MED13: variants seen among roughly 807,000 people sequenced by gnomAD.
MED13 encodes mediator of RNA polymerase II transcription subunit 13.
In MED13, 23 loss-of-function variants were observed where a neutral mutation model predicts 225.2. The ratio of observed to expected loss-of-function variants is 0.10; its 90% CI spans 0.07 to 0.14. The LOEUF is 0.14. Among genes scored for constraint, MED13 ranks in the 10% least tolerant of loss-of-function variants. The pLI, the probability that MED13 is intolerant of heterozygous loss-of-function variation, is 1.00. For synonymous variants in MED13, 942 were observed against 889.2 expected (o/e 1.06, Z -1.06); for missense variants, 2,197 against 2,594.5 (o/e 0.85, Z 3.33).
At chr17:62,039,033 T>C (rs1159687991) in intron 3 of MED13, among the ~76,000 whole-genome samples, 3 of 152,176 alleles carry the variant, frequency 2.0e-5, no homozygotes, top group African/African-American at 4.8e-5. Context: ...AAGGGATAAA[T>C]TGGTCTCCAA....
At chr17:62,021,103 C>T (rs1202928730) in intron 8 of MED13, among the ~76,000 whole-genome samples, 8 of 151,062 alleles carry the variant, frequency 5.3e-5, no homozygotes, top group South Asian at 2.1e-4. Flanking sequence ...TACACAGACA[C>T]GGCAACCATC....
At chr17:62,055,092 G>A (rs1054179040) in intron 2 of MED13, among the ~76,000 whole-genome samples, 17 of 152,078 alleles carry the variant, frequency 1.1e-4, no homozygotes, top group Non-Finnish European at 2.1e-4. Context: ...GGTGGCTCAC[G>A]CCTGCTATCC....
chr17:61,955,142 T>G (rs1290893610), intron 26 of MED13, among the ~76,000 whole-genome samples: 1 of 151,962 alleles, frequency 6.6e-6, no homozygotes, highest in East Asian at 1.9e-4. Context: ...CCACATGGCT[T>G]TCTTCTCTTC....
intron 12 of MED13, among the ~76,000 whole-genome samples, chr17:61,986,388 T>C (rs1438522035): frequency 6.6e-6 from 1 of 152,182 alleles, no homozygotes; most frequent in Non-Finnish European, 1.5e-5. Context: ...GGAATTCCCT[T>C]TTATGATAAT....
chr17:61,991,682 A>AT (rs1002849020), intron 11 of MED13, among the ~76,000 whole-genome samples: 13 of 150,906 alleles, frequency 8.6e-5, no homozygotes, highest in Admixed American at 4.0e-4. Context: ...TAATTTTTCT[A>AT]TTTTTTTAGT....
At chr17:61,947,794 C>A (rs940071126) in intron 28 of MED13, among the ~76,000 whole-genome samples, 2 of 152,154 alleles carry the variant, frequency 1.3e-5, no homozygotes, top group African/African-American at 4.8e-5. Flanking sequence ...CTACTCCACA[C>A]TCCAATTAAA....
At chr17:61,983,474 G>C (rs550058726) in intron 15 of MED13, among the ~76,000 whole-genome samples, 9 of 152,244 alleles carry the variant, frequency 5.9e-5, no homozygotes, top group African/African-American at 2.2e-4. Flanking sequence ...TGATTTTAGA[G>C]ATGCTCATGT....
chr17:62,027,536 C>T lies in MED13; in HGVS notation c.1283+2005G>A, dbSNP rs149543886. The stretch of plus-strand genomic sequence containing the variant: ...ACAGAAATGGGCAAAAATTTCATGA[C>T]GAAGATGTCAAAAGCAATCACAACA... On this transcript the variant is annotated intron_variant, in intron 8 of 29. Transcript: ENST00000397786. 3.9e-3 allele frequency among the ~76,000 whole-genome samples: 592 copies of T among 152,128 alleles called. 3 individuals carry two copies. The highest frequency in any genetic ancestry group is 0.012 in the African/African-American group (515 of 41,480).
rs1325592550 is a variant in MED13 at position 61,946,431 on chromosome 17, C to T, written c.*37G>A. The T allele has an allele frequency of 6.3e-7, 1 of 1,597,408 alleles. No homozygotes were observed. ...ATCCTGCAGCGAAACATCCATTTTT[C>T]CTTGTTCTTTTCTTGCACAGTTCCA... On this transcript the variant is annotated 3_prime_UTR_variant, in exon 30 of 30. Coordinates refer to ENST00000397786, the MANE Select transcript of MED13 (RefSeq NM_005121.3).
At position 61,967,166 on chromosome 17, in the gene MED13, T is replaced by C. The variant is rs796220332; in HGVS notation, c.4192-515A>G. On this transcript the variant is annotated intron_variant, in intron 18 of 29. Coordinates refer to ENST00000397786, the MANE Select transcript of MED13 (RefSeq NM_005121.3). ...CCCAATGTTAAATAAATTTAAAACA[T>C]TGGATTAAGCAAACTTAGAAGAGTT... Among the ~76,000 whole-genome samples the C allele has an allele frequency of 5.9e-5, 9 of 152,178 alleles. No individual in the cohort carries two copies. In the South Asian group the frequency reaches 1.0e-3, roughly 17 times the overall value.
In MED13 at chr17:62,010,216, C is replaced by CAA. The variant is rs759874676; in HGVS notation, c.1967+332_1967+333dup. Among the ~76,000 whole-genome samples, 440 of 89,692 alleles carry CAA rather than the reference C, an allele frequency of 4.9e-3. 2 individuals are homozygous for CAA. Among genetic ancestry groups the CAA allele is most frequent in the Middle Eastern group, 0.023 (3 of 132 alleles). 58.8% of individuals were successfully genotyped at this position (89,692 alleles called of 152,430 possible). ...AGCCTGGGTGACAGAGACTCTGTCT[C>CAA]AAAAAAAAAAAAAAGGTACCAAATT... is the stretch of plus-strand genomic sequence containing the variant. On this transcript the variant is annotated intron_variant, in intron 9 of 29. Transcript: ENST00000397786.
intron 8 of MED13, among the ~76,000 whole-genome samples, chr17:62,024,875 T>C (rs1404444803): frequency 2.0e-5 from 3 of 152,240 alleles, no homozygotes; most frequent in Non-Finnish European, 4.4e-5. Flanking sequence ...TCATTTTTTT[T>C]TATGGCTGCA....
At position 61,965,238 on chromosome 17, in the gene MED13, T is replaced by C. The variant is rs1206996178; in HGVS notation, c.4612A>G (p.Thr1538Ala). The change falls in exon 20 of 30, where the codon ACT (threonine) becomes GCT (alanine). Residue 1538 changes from threonine (T) to alanine (A), a missense_variant. Thr to Ala is a moderately conservative substitution (Grantham distance 58, BLOSUM62 0). Coordinates refer to ENST00000397786, the MANE Select transcript of MED13 (RefSeq NM_005121.3). ...AAGTTGGAGGATGATGAAGATGAAG[T>C]TGAAGCTGTGGTCAAAGTTGAATTA... Reference protein sequence around the residue: ...TANSTLTTASTSSSSSSNLNS... With the variant: ...TANSTLTTASASSSSSSNLNS... The C allele has an allele frequency of 2.5e-6, 4 of 1,614,000 alleles. No homozygotes were observed. Among genetic ancestry groups the C allele is most frequent in the East Asian group, 2.2e-5 (1 of 44,898 alleles).
Position 62,033,839 on chromosome 17 carries a change from C to A in MED13, c.762G>T (p.Gln254His). Reference sequence around the variant, plus strand: ...AATCATCTTCCCAATCCATATCTTCCTGTTTTTCTTCAGACATCTCCTTCA... The same window carrying A: ...AATCATCTTCCCAATCCATATCTTCATGTTTTTCTTCAGACATCTCCTTCA... ...CCLKEMSEEK[Q>H]EDMDWEDDSL... Residue 254 changes from glutamine to histidine, a missense_variant, in exon 5 of 30, where the codon CAG becomes CAT. Gln to His is a conservative substitution (Grantham distance 24, BLOSUM62 0). Transcript: ENST00000397786. 6.2e-7 allele frequency: 1 copy of A among 1,614,132 alleles called. No individual in the cohort carries two copies. Among genetic ancestry groups the A allele is most frequent in the East Asian group, 2.2e-5 (1 of 44,864 alleles).
At chr17:62,010,494 A>AC (rs1379968868) in intron 9 of MED13, 56 bp downstream of exon 9, 8 of 1,160,146 alleles carry the variant, frequency 6.9e-6, no homozygotes, top group Non-Finnish European at 8.0e-6. Context: ...AGTATTAAGA[A>AC]CTTGCATCAC....
Position 61,952,808 on chromosome 17 carries a change from T to C in MED13, c.6117+157A>G, listed in dbSNP as rs186928692. On this transcript the variant is annotated intron_variant, in intron 27 of 29. Transcript: ENST00000397786. ...CGTGCCACCTTACCCGGCTATTTTT[T>C]ACATTTTTAGTAGAGATGGGGTTTC... 2.0e-5 allele frequency among the ~76,000 whole-genome samples: 3 copies of C among 152,324 alleles called. No individual in the cohort carries two copies. The East Asian group carries it at 5.8e-4, about 29-fold the overall frequency.
Position 61,984,979 on chromosome 17 carries a change from G to A in MED13, c.2476+21C>T, listed in dbSNP as rs375333198. ...TTAAAAGTTCGCAAATTTATCTCGA[G>A]CACAGATGAGGGAAGCTTACTTATG... On this transcript the variant is annotated intron_variant, in intron 13 of 29. Coordinates refer to ENST00000397786, the MANE Select transcript of MED13 (RefSeq NM_005121.3). 8 of 1,610,456 alleles carry A rather than the reference G, an allele frequency of 5.0e-6. No homozygotes were observed. The African/African-American group carries it at 8.0e-5, about 16-fold the overall frequency.
At chr17:62,021,601 G>A (rs796489749) in intron 8 of MED13, among the ~76,000 whole-genome samples, 5 of 152,286 alleles carry the variant, frequency 3.3e-5, no homozygotes, top group Admixed American at 1.3e-4. Flanking sequence ...GTAAATGTGC[G>A]CTATTCAATC....
intron 16 of MED13, among the ~76,000 whole-genome samples, chr17:61,980,202 CA>C (rs1363874025): frequency 6.6e-6 from 1 of 151,838 alleles, no homozygotes; most frequent in Non-Finnish European, 1.5e-5. Context: ...CAAAAACAAA[CA>C]AACAAAAATT....
Sources: gnomAD v4.1 joint callset for allele counts (sites outside exome capture counted in the v4.1 genomes callset) on GRCh38, gnomAD v4.1.1 for gene constraint, MANE v1.5 for transcripts, NCBI Gene and HGNC (gene_info 2026-07-23, HGNC 2026-07-21) for gene names.